SVIL: variants seen among roughly 807,000 people sequenced by gnomAD.
SVIL encodes the protein archvillin.
In SVIL, 101 loss-of-function variants were observed where a neutral mutation model predicts 240.4. That is an observed-to-expected ratio of 0.42 (90% confidence interval 0.36 to 0.50). SVIL has a LOEUF of 0.50. Among genes scored for constraint, SVIL ranks in the 20% least tolerant of loss-of-function variants. The pLI, the probability that SVIL is intolerant of heterozygous loss-of-function variation, is 0.01. For missense variants in SVIL, 2,512 were observed against 2,818.7 expected, an observed-to-expected ratio of 0.89 and a Z score of 2.46; for synonymous variants, 999 against 1,100.0, an observed-to-expected ratio of 0.91 and a Z score of 1.82.
intron 1 of SVIL, among the ~76,000 whole-genome samples, chr10:29,588,728 C>T (rs993752902): frequency 6.6e-5 from 10 of 152,120 alleles, no homozygotes; most frequent in Admixed American, 5.2e-4. Context: ...CCTTTTGTCC[C>T]CAGAAAGATA....
chr10:29,558,741 A>C (rs1478653700), intron 3 of SVIL, among the ~76,000 whole-genome samples: 1 of 151,442 alleles, frequency 6.6e-6, no homozygotes, highest in African/African-American at 2.4e-5. Context: ...AGTGTGGCTA[A>C]CATGATGAAA....
At chr10:29,654,847 A>G (rs1958948620) in intron 3 of SVIL, among the ~76,000 whole-genome samples, 1 of 152,200 alleles carries the variant, frequency 6.6e-6, no homozygotes, top group South Asian at 2.1e-4. Flanking sequence ...CAAAGGACAG[A>G]GGACCTGGAG....
chr10:29,715,644 C>T (rs927504854), intron 1 of SVIL, among the ~76,000 whole-genome samples: 1 of 152,196 alleles, frequency 6.6e-6, no homozygotes, highest in Non-Finnish European at 1.5e-5. Context: ...GTCCTAATGG[C>T]CTAGCACAGT....
At chr10:29,512,924 A>G in intron 16 of SVIL, 63 bp from the exon 17 acceptor site, 1 of 1,574,208 alleles carries the variant, frequency 6.4e-7, no homozygotes, top group Middle Eastern at 2.3e-4. Context: ...TGATGGAACC[A>G]TAATCTAGGT....
At chr10:29,486,056 C>T (rs932504089) in intron 26 of SVIL, 29 bp downstream of exon 26, 2 of 1,578,864 alleles carry the variant, frequency 1.3e-6, no homozygotes, top group East Asian at 3.7e-5. Context: ...TGTGGTTTCT[C>T]ACTGAAGGGC....
intron 5 of SVIL, among the ~76,000 whole-genome samples, chr10:29,552,524 C>T (rs189080072): frequency 6.8e-4 from 101 of 149,100 alleles, no homozygotes; most frequent in Non-Finnish European, 1.2e-3. Context: ...GATCATGCCA[C>T]TGCCCTCCAG....
chr10:29,732,858 GT>G (rs774325305), intron 1 of SVIL, among the ~76,000 whole-genome samples: 133 of 139,922 alleles, frequency 9.5e-4, no homozygotes, highest in Admixed American at 1.1e-3. Flanking sequence ...TTGGGTTTTT[GT>G]TTTTTTTTTT....
intron 6 of SVIL, among the ~76,000 whole-genome samples, chr10:29,539,114 A>G (rs1226968836): frequency 1.3e-5 from 2 of 152,270 alleles, no homozygotes; most frequent in African/African-American, 4.8e-5. Flanking sequence ...GCAGTGAGCT[A>G]TGATTGCACC....
chr10:29,714,447 A>C (rs1302108337), intron 1 of SVIL, among the ~76,000 whole-genome samples: 1 of 152,242 alleles, frequency 6.6e-6, no homozygotes, highest in African/African-American at 2.4e-5. Context: ...AAGGTGGAGC[A>C]ATAGAAAAAA....
chr10:29,494,956 A>C lies in SVIL; in HGVS notation c.3799T>G (p.Leu1267Val). ...PDMQLESDLK[L>V]DRLETFLRRL... ...CTTAGAAAGGTTTCCAGCCTGTCCA[A>C]CTTCAGGTCCGATTCTAACTGCATA... The change falls in exon 20 of 38, where the codon TTG (leucine) becomes GTG (valine). Residue 1267 changes from leucine to valine, a missense_variant. Coordinates refer to ENST00000355867, the MANE Select transcript of SVIL (RefSeq NM_021738.3). 6.3e-7 allele frequency: 1 copy of C among 1,584,208 alleles called. No homozygotes were observed. The highest frequency in any genetic ancestry group is 8.6e-7 in the Non-Finnish European group (1 of 1,159,200).
chr10:29,594,438 T>C (rs971419069), intron 1 of SVIL, among the ~76,000 whole-genome samples: 3 of 152,118 alleles, frequency 2.0e-5, no homozygotes, highest in African/African-American at 7.2e-5. Flanking sequence ...GATGTGTCAG[T>C]GTAGGCTCAT....
intron 1 of SVIL, among the ~76,000 whole-genome samples, chr10:29,728,726 G>A (rs1041712122): frequency 2.6e-5 from 4 of 152,170 alleles, no homozygotes; most frequent in East Asian, 1.9e-4. Context: ...CAGCATGGAG[G>A]AGCTGAACGG....
chr10:29,657,433 C>G (rs924387175), intron 3 of SVIL, among the ~76,000 whole-genome samples: 17 of 152,310 alleles, frequency 1.1e-4, no homozygotes, highest in South Asian at 4.1e-4. Flanking sequence ...TCCAAACGCA[C>G]TTAGGCATAG....
In SVIL at chr10:29,550,876, T is replaced by C. The variant is rs759652891; in HGVS notation, c.548A>G (p.Lys183Arg). ...GTCACCCACATGGAGGGCATAGTCCTTGGATTCACCGGCACAGGTCCTGAG... is the reference window on the plus strand; with the variant it reads ...GTCACCCACATGGAGGGCATAGTCCCTGGATTCACCGGCACAGGTCCTGAG... ...MGLRTCAGES[K>R]DYALHVGDGS... Residue 183 changes from lysine to arginine, a missense_variant, in exon 6 of 38, where the codon AAG becomes AGG. This residue lies in a region of SVIL where 1,443 missense variants were observed against 1,486.6 expected (regional missense o/e 0.97). Transcript: ENST00000355867. 2.5e-6 allele frequency: 4 copies of C among 1,614,080 alleles called. No individual in the cohort carries two copies. The highest frequency in any genetic ancestry group is 1.7e-6 in the Non-Finnish European group (2 of 1,180,016).
At chr10:29,514,257 G>A (rs1311554641) in intron 16 of SVIL, among the ~76,000 whole-genome samples, 1 of 151,132 alleles carries the variant, frequency 6.6e-6, no homozygotes, top group Non-Finnish European at 1.5e-5. Flanking sequence ...TTGTTTTAGA[G>A]ACAAGGTCTT....
In SVIL at chr10:29,475,127, A is replaced by G. The variant is rs61839351; in HGVS notation, c.5378-1138T>C. ...TGCAGCCTTAGCCTCCTGGGCTCAA[A>G]TGATCCTCCTGCCTCAGCCTCCCAA... is the stretch of plus-strand genomic sequence containing the variant. On this transcript the variant is annotated intron_variant, in intron 29 of 37. Coordinates refer to ENST00000355867, the MANE Select transcript of SVIL (RefSeq NM_021738.3). Among the ~76,000 whole-genome samples the G allele has an allele frequency of 2.7e-3, 407 of 152,258 alleles. 1 individual carries two copies. The highest frequency in any genetic ancestry group is 4.3e-3 in the Admixed American group (66 of 15,298).
In SVIL at chr10:29,532,626, G is replaced by A. The variant is rs745531928; in HGVS notation, c.1741C>T (p.Pro581Ser). Reference sequence around the variant, plus strand: ...TCCAGCATGCTGATCTCCCCATAAGGCCCTTCGGTCTTGGAGCTGGGCAGC... The same window carrying A: ...TCCAGCATGCTGATCTCCCCATAAGACCCTTCGGTCTTGGAGCTGGGCAGC... ...LELPSSKTEG[P>S]YGEISMLDTK... The change falls in exon 8 of 38, where the codon CCT becomes TCT. Residue 581 changes from proline (P) to serine (S), a missense_variant. Pro to Ser is a moderately conservative substitution (Grantham distance 74). Coordinates refer to ENST00000355867, the MANE Select transcript of SVIL (RefSeq NM_021738.3). 6.8e-6 allele frequency: 11 copies of A among 1,614,098 alleles called. No homozygotes were observed. In the South Asian group the frequency reaches 1.1e-4, roughly 16 times the overall value.
intron 1 of SVIL, among the ~76,000 whole-genome samples, chr10:29,596,339 GGCAT>G (rs1423576829): frequency 2.0e-5 from 3 of 152,156 alleles, no homozygotes; most frequent in Non-Finnish European, 4.4e-5. Context: ...TGGGCATGGT[GGCAT>G]GCACCTACAG....
intron 3 of SVIL, among the ~76,000 whole-genome samples, chr10:29,555,475 A>G (rs958823111): frequency 2.6e-5 from 4 of 152,218 alleles, no homozygotes; most frequent in Non-Finnish European, 4.4e-5. Flanking sequence ...TGAAATATAT[A>G]TGTAATATAT....
Sources: gnomAD v4.1 joint callset for allele counts (sites outside exome capture counted in the v4.1 genomes callset) on GRCh38, gnomAD v4.1.1 for gene constraint, gnomAD v4.1.1 regional missense constraint, MANE v1.5 for transcripts, NCBI Gene and HGNC (gene_info 2026-07-23, HGNC 2026-07-21) for gene names.